PTAR1: variants seen among roughly 807,000 people sequenced by gnomAD.
The protein encoded by PTAR1 is protein prenyltransferase alpha subunit repeat-containing protein 1.
PTAR1 carries 17 observed loss-of-function variants against 45.5 expected under a neutral mutation model. The observed-to-expected ratio is 0.37, with a 90% CI of 0.26 to 0.56. PTAR1 has a LOEUF of 0.56. Ranked by LOEUF, PTAR1 falls within the 20% of genes least tolerant of loss-of-function variation. The pLI, the probability that PTAR1 is intolerant of heterozygous loss-of-function variation, is 0.77. For missense variants in PTAR1, 391 were observed against 476.3 expected, an observed-to-expected ratio of 0.82 and a Z score of 1.67; for synonymous variants, 169 against 171.3, an observed-to-expected ratio of 0.99 and a Z score of 0.11.
At chr9:69,740,711 T>C (rs1428730582) in intron 3 of PTAR1, among the ~76,000 whole-genome samples, 2 of 151,272 alleles carry the variant, frequency 1.3e-5, no homozygotes, top group African/African-American at 2.4e-5. Flanking sequence ...GAATTTTAAG[T>C]TCATGGTACC....
At chr9:69,733,771 T>G (rs1380229071) in intron 4 of PTAR1, among the ~76,000 whole-genome samples, 1 of 152,192 alleles carries the variant, frequency 6.6e-6, no homozygotes, top group Non-Finnish European at 1.5e-5. Flanking sequence ...TCATTACAGT[T>G]GAGTATCTAT....
At chr9:69,747,910 T>C (rs1297242315) in intron 2 of PTAR1, among the ~76,000 whole-genome samples, 1 of 152,172 alleles carries the variant, frequency 6.6e-6, no homozygotes, top group Non-Finnish European at 1.5e-5. Flanking sequence ...TTGAATACCA[T>C]GCTAAGGAGT....
At chr9:69,718,912 T>A (rs955209098) in intron 6 of PTAR1, among the ~76,000 whole-genome samples, 4 of 152,194 alleles carry the variant, frequency 2.6e-5, no homozygotes, top group African/African-American at 9.7e-5. Context: ...TGAGAAAGAA[T>A]ACAGTCCTAA....
intron 4 of PTAR1, among the ~76,000 whole-genome samples, chr9:69,733,076 T>C (rs1342726438): frequency 6.6e-6 from 1 of 152,068 alleles, no homozygotes; most frequent in Non-Finnish European, 1.5e-5. Flanking sequence ...GTACAGGAAA[T>C]TAAGTAAGAA....
At chr9:69,738,155 T>C (rs917955388) in intron 3 of PTAR1, among the ~76,000 whole-genome samples, 8 of 152,226 alleles carry the variant, frequency 5.3e-5, no homozygotes, top group African/African-American at 1.7e-4. Flanking sequence ...GTTTTGAGAA[T>C]ATGGGTCAGG....
At chr9:69,741,919 C>A in intron 2 of PTAR1, 61 bp from the exon 3 acceptor site, 1 of 1,054,032 alleles carries the variant, frequency 9.5e-7, no homozygotes, top group South Asian at 1.4e-5. Context: ...CTTGGCTTCT[C>A]ATTCTTTTAA....
chr9:69,746,068 CCT>C (rs1325948078), intron 2 of PTAR1, among the ~76,000 whole-genome samples: 1 of 152,340 alleles, frequency 6.6e-6, no homozygotes, highest in South Asian at 2.1e-4. Context: ...CTTCTCTTCT[CCT>C]CTTTCACAAA....
Position 69,732,278 on chromosome 9 carries a change from A to C in PTAR1, c.503T>G (p.Ile168Ser). Reference protein sequence around the residue: ...SFVTKGNLGTIPTERAQRLIQ... With the variant: ...SFVTKGNLGTSPTERAQRLIQ... ...GAGTCGCTGTGCCCTTTCTGTGGGA[A>C]TTGTTCCCAAGTTTCCTTTGGTCAC... The change falls in exon 5 of 8, where the codon ATT (isoleucine) becomes AGT (serine). Residue 168 changes from isoleucine (I) to serine (S), a missense_variant. Ile to Ser is a moderately radical substitution (Grantham distance 142). Coordinates refer to ENST00000340434, the MANE Select transcript of PTAR1 (RefSeq NM_001099666.2). 1 of 1,613,878 alleles carries C rather than the reference A, an allele frequency of 6.2e-7. No individual in the cohort carries two copies. The highest frequency in any genetic ancestry group is 8.5e-7 in the Non-Finnish European group (1 of 1,179,830).
chr9:69,746,728 A>G (rs1463841360), intron 2 of PTAR1, among the ~76,000 whole-genome samples: 2 of 152,220 alleles, frequency 1.3e-5, no homozygotes, highest in Admixed American at 1.3e-4. Flanking sequence ...CACATTATAC[A>G]TAGAAAAGTA....
intron 2 of PTAR1, among the ~76,000 whole-genome samples, chr9:69,742,734 A>G (rs1826095578): frequency 6.6e-6 from 1 of 152,096 alleles, no homozygotes; most frequent in Admixed American, 6.5e-5. Context: ...TGACCTATAT[A>G]TATTTTTAAA....
intron 2 of PTAR1, among the ~76,000 whole-genome samples, chr9:69,744,183 A>G (rs1412579165): frequency 1.3e-5 from 2 of 152,062 alleles, no homozygotes; most frequent in African/African-American, 4.8e-5. Flanking sequence ...TTTCCTTTAC[A>G]TGTTACATTC....
At chr9:69,750,291 A>G (rs1445439580) in intron 2 of PTAR1, among the ~76,000 whole-genome samples, 2 of 152,102 alleles carry the variant, frequency 1.3e-5, no homozygotes, top group South Asian at 4.1e-4. Context: ...TGGAACTTGC[A>G]GTGGAATGGC....
At chr9:69,735,729 T>C (rs1411432317) in intron 3 of PTAR1, among the ~76,000 whole-genome samples, 2 of 152,102 alleles carry the variant, frequency 1.3e-5, no homozygotes, top group African/African-American at 4.8e-5. Context: ...ATGTCCTTCC[T>C]GTGTAGGGCT....
rs779481498 is a variant in PTAR1, at chr9:69,734,246, A to G, written c.332T>C (p.Leu111Pro). 1 of 799,358 alleles carries G rather than the reference A, an allele frequency of 1.3e-6. No homozygotes were observed. Among genetic ancestry groups the G allele is most frequent in the Non-Finnish European group, 1.9e-6 (1 of 517,052 alleles). 49.5% of individuals were successfully genotyped at this position (799,358 alleles called of 1,614,324 possible). Residue 111 changes from leucine to proline, a missense_variant, in exon 4 of 8, where the codon CTG (leucine) becomes CCG (proline). Physicochemically the swap from Leu to Pro is moderately conservative, Grantham distance 98. Transcript: ENST00000340434. ...FTTAWNVRKE[L>P]ILSGTLNPIK... Reference sequence around the variant, plus strand: ...TGGATTTAAAGTGCCAGAGAGGATCAGCTCTTTCCTGTAAAAAAAAAAAAA... The same window carrying G: ...TGGATTTAAAGTGCCAGAGAGGATCGGCTCTTTCCTGTAAAAAAAAAAAAA...
rs73461069 is a variant in PTAR1, at chr9:69,717,893, T to C, written c.*449A>G. The C allele has an allele frequency of 0.044, 6,809 of 153,842 alleles. 519 individuals carry two copies. The highest frequency in any genetic ancestry group is 0.15 in the African/African-American group (6,400 of 41,562). 9.5% of individuals were successfully genotyped at this position (153,842 alleles called of 1,614,324 possible). On this transcript the variant is annotated 3_prime_UTR_variant, in exon 8 of 8. Transcript: ENST00000340434. ...ATGCCTAGCTATTTTGTTTTACTTT[T>C]TGTAGAAATCGGGTCTTGCTATGTG...
Position 69,715,897 on chromosome 9 carries a change from T to A in PTAR1, c.*2445A>T, listed in dbSNP as rs1330270728. 6 of 152,142 alleles carry A rather than the reference T, an allele frequency of 3.9e-5. No individual in the cohort carries two copies. The highest frequency in any genetic ancestry group is 3.9e-4 in the Admixed American group (6 of 15,256). The allele number at this position is 152,142 out of a possible 1,614,324, so 9.4% of individuals were successfully genotyped here. ...CCTTTGGGTATTTGCATTTTTGCTC[T>A]CTACTTTAAACTTTTAGGAAGGAAA... On this transcript the variant is annotated 3_prime_UTR_variant, in exon 8 of 8. Coordinates refer to ENST00000340434, the MANE Select transcript of PTAR1 (RefSeq NM_001099666.2).
At chr9:69,740,308 A>T (rs116211370) in intron 3 of PTAR1, among the ~76,000 whole-genome samples, 2,401 of 152,150 alleles carry the variant, frequency 0.016, 65 homozygotes, top group African/African-American at 0.055. Flanking sequence ...ATGAAACAGG[A>T]CTAAGTTCCA....
intron 5 of PTAR1, 41 bp downstream of exon 5, chr9:69,732,098 G>A (rs1452193433): frequency 1.4e-6 from 2 of 1,429,020 alleles, no homozygotes; most frequent in Admixed American, 1.8e-5. Flanking sequence ...AGATTTTAAG[G>A]GCAGACAGGC....
intron 1 of PTAR1, chr9:69,757,929 GACTAGTCTTAA>G (rs1194152197): frequency 1.3e-5 from 2 of 152,164 alleles, no homozygotes; most frequent in South Asian, 2.1e-4. Context: ...TATAGCTGAT[GACTAGTCTTAA>G]ACAATGAGTT....
Sources: allele counts gnomAD v4.1 joint callset (sites outside exome capture counted in the v4.1 genomes callset), GRCh38; gene constraint gnomAD v4.1.1; transcripts MANE v1.5; gene names NCBI Gene and HGNC (gene_info 2026-07-23, HGNC 2026-07-21).